ABCA13: variants seen among roughly 807,000 people sequenced by gnomAD.
ABCA13 encodes the protein ATP binding cassette subfamily A member 13.
In ABCA13, 476 loss-of-function variants were observed where a neutral mutation model predicts 478.7. The observed-to-expected ratio is 0.99, with a 90% CI of 0.92 to 1.07. The LOEUF is 1.07. ABCA13 is among the 50% of genes least tolerant of loss of function. The pLI is 0.00. For missense variants in ABCA13, 6,060 were observed against 5,910.6 expected (o/e 1.03, Z -0.83); for synonymous variants, 2,252 against 2,158.9 (o/e 1.04, Z -1.20).
intron 15 of ABCA13, among the ~76,000 whole-genome samples, chr7:48,251,542 C>T (rs1009256847): frequency 1.3e-5 from 2 of 152,092 alleles, no homozygotes; most frequent in Admixed American, 6.6e-5. Context: ...GTAAGCTTAA[C>T]CACTCTACTT....
chr7:48,404,954 C>T (rs550592884), intron 39 of ABCA13, among the ~76,000 whole-genome samples: 46 of 152,338 alleles, frequency 3.0e-4, no homozygotes, highest in African/African-American at 1.1e-3. Flanking sequence ...TGGGCTTTGG[C>T]CTGGCCTGGG....
chr7:48,372,443 C>T lies in ABCA13; in HGVS notation c.11079C>T (p.Tyr3693=), dbSNP rs1194428924. ...TGTACATGATCAGCTTTCTGCCCTACATAGTTCTATTGGTTCTACATAACC... is the reference window on the plus strand; with the variant it reads ...TGTACATGATCAGCTTTCTGCCCTATATAGTTCTATTGGTTCTACATAACC... ...SLVYMISFLP[Y]IVLLVLHNQL... The change falls in exon 33 of 62, where the codon TAC becomes TAT. Residue 3693 remains tyrosine, a synonymous_variant. Coordinates refer to ENST00000435803, the MANE Select transcript of ABCA13 (RefSeq NM_152701.5). 3 of 1,612,168 alleles carry T rather than the reference C, an allele frequency of 1.9e-6. No homozygotes were observed. Among genetic ancestry groups the T allele is most frequent in the Non-Finnish European group, 2.5e-6 (3 of 1,179,348 alleles).
intron 55 of ABCA13, among the ~76,000 whole-genome samples, chr7:48,540,882 T>G (rs1833900356): frequency 6.6e-6 from 1 of 152,120 alleles, no homozygotes; most frequent in African/African-American, 2.4e-5. Flanking sequence ...TTATTTTCTA[T>G]TCTCTGTAGC....
At chr7:48,611,990 C>A (rs949634043) in intron 58 of ABCA13, 1 of 152,114 alleles carries the variant, frequency 6.6e-6, no homozygotes, top group African/African-American at 2.4e-5. Flanking sequence ...TGCTAAGCAA[C>A]TATAACAAAG....
chr7:48,295,842 C>T lies in ABCA13; in HGVS notation c.9098C>T (p.Thr3033Met), dbSNP rs201248982. 8.8e-5 allele frequency: 142 copies of T among 1,612,858 alleles called. No homozygotes were observed. Among genetic ancestry groups the T allele is most frequent in the Admixed American group, 2.2e-4 (13 of 59,898 alleles). ...TGCACAAGCCAGCCGAGGCTGGAGA[C>T]GGTGCAGCAGCACTTGTACATGTAT... is the stretch of plus-strand genomic sequence containing the variant. ...QDCTSQPRLETVQQHLYMLAK... is the reference protein window; with the variant it reads ...QDCTSQPRLEMVQQHLYMLAK... Residue 3033 changes from threonine (T) to methionine (M), a missense_variant, in exon 21 of 62, where the codon ACG becomes ATG. Coordinates refer to ENST00000435803, the MANE Select transcript of ABCA13 (RefSeq NM_152701.5).
intron 39 of ABCA13, among the ~76,000 whole-genome samples, chr7:48,409,926 C>CAA (rs58737850): frequency 0.13 from 16,166 of 123,958 alleles, 1,210 homozygotes; most frequent in Admixed American, 0.26. Flanking sequence ...CTAAAAATAC[C>CAA]AAAAAAAAAA....
At chr7:48,551,552 T>G (rs919757473) in intron 55 of ABCA13, among the ~76,000 whole-genome samples, 2 of 151,846 alleles carry the variant, frequency 1.3e-5, no homozygotes, top group African/African-American at 2.4e-5. Flanking sequence ...GATTTTAGAT[T>G]TAGACTGCTT....
intron 19 of ABCA13, among the ~76,000 whole-genome samples, chr7:48,282,425 G>A (rs1584614458): frequency 6.6e-6 from 1 of 152,162 alleles, no homozygotes; most frequent in Non-Finnish European, 1.5e-5. Flanking sequence ...CTGGGCCTGA[G>A]TACCCTGTCT....
rs1795397621 is a variant in ABCA13, at chr7:48,645,662, C to T, written c.*150C>T. On this transcript the variant is annotated 3_prime_UTR_variant, in exon 62 of 62. Transcript: ENST00000435803. ...CTTGTTCATTTTCTATTTTGAATCT[C>T]CTTGTTAGTTAATAACCACCAAATG... The T allele has an allele frequency of 7.3e-6, 5 of 680,580 alleles. No homozygotes were observed. Among genetic ancestry groups the T allele is most frequent in the South Asian group, 3.8e-5 (2 of 53,264 alleles). The allele number at this position is 680,580 out of a possible 1,614,324, so 42.2% of individuals were successfully genotyped here.
intron 50 of ABCA13, 26 bp downstream of exon 50, chr7:48,508,075 G>C: frequency 6.2e-7 from 1 of 1,613,642 alleles, no homozygotes. Flanking sequence ...GAGATTCTGT[G>C]TGCCTCCACA....
intron 24 of ABCA13, among the ~76,000 whole-genome samples, chr7:48,310,961 C>T (rs957950947): frequency 6.6e-6 from 1 of 152,180 alleles, no homozygotes; most frequent in African/African-American, 2.4e-5. Context: ...GAAGCTTCCC[C>T]TCCTTCTGGC....
At position 48,593,396 on chromosome 7, in the gene ABCA13, C is replaced by T. The variant is rs949298161; in HGVS notation, c.14641-1314C>T. ...CTTATATCACATTAAAAAAAAACTA[C>T]ACTTTTGCTTCCAACCATCTCATTT... On this transcript the variant is annotated intron_variant, in intron 57 of 61. Coordinates refer to ENST00000435803, the MANE Select transcript of ABCA13 (RefSeq NM_152701.5). Among the ~76,000 whole-genome samples the T allele has an allele frequency of 5.3e-5, 8 of 151,486 alleles. No individual in the cohort carries two copies. The South Asian group carries it at 1.7e-3, about 31-fold the overall frequency.
intron 7 of ABCA13, 80 bp from the exon 8 acceptor site, chr7:48,233,938 G>T: frequency 6.6e-7 from 1 of 1,509,926 alleles, no homozygotes; most frequent in East Asian, 2.4e-5. Context: ...GGTGAAAAAA[G>T]GTATTTTTTT....
At position 48,508,777 on chromosome 7, in the gene ABCA13, C is replaced by T. The variant is rs1371549970; in HGVS notation, c.13524+728C>T. ...CCGGAGGTCAACCATTTACTGAGCA[C>T]CTTCCATGCACTAGGTGCTGTCTGA... On this transcript the variant is annotated intron_variant, in intron 50 of 61. Transcript: ENST00000435803. 2.0e-5 allele frequency among the ~76,000 whole-genome samples: 3 copies of T among 152,298 alleles called. 1 individual carries two copies. Among genetic ancestry groups the T allele is most frequent in the South Asian group, 4.2e-4 (2 of 4,814 alleles).
chr7:48,598,083 T>TGAATAG (rs1790487283), intron 58 of ABCA13, among the ~76,000 whole-genome samples: 1 of 152,220 alleles, frequency 6.6e-6, no homozygotes, highest in African/African-American at 2.4e-5. Flanking sequence ...AAAAATTTTC[T>TGAATAG]GTGTTCCACC....
At position 48,427,786 on chromosome 7, in the gene ABCA13, A is replaced by G; in HGVS notation, c.12480A>G (p.Gln4160=). The G allele has an allele frequency of 6.2e-7, 1 of 1,613,694 alleles. No homozygotes were observed. Among genetic ancestry groups the G allele is most frequent in the Non-Finnish European group, 8.5e-7 (1 of 1,179,722 alleles). The part of the protein sequence containing the change: ...TLEEVFLMLL[Q]DSNKKSHIAL... ...GAAAGGTGTTTTTGATGCTTTTGCA[A>G]GATTCCAACAAGAAATCTCACATTG... Residue 4160 remains glutamine (Q), a synonymous_variant, in exon 42 of 62, where the codon CAA becomes CAG. Coordinates refer to ENST00000435803, the MANE Select transcript of ABCA13 (RefSeq NM_152701.5).
At position 48,391,949 on chromosome 7, in the gene ABCA13, A is replaced by G. The variant is rs1449580203; in HGVS notation, c.11683A>G (p.Thr3895Ala). The change falls in exon 38 of 62, where the codon ACT becomes GCT. Residue 3895 changes from threonine (T) to alanine (A), a missense_variant. By Grantham distance (58) the Thr-to-Ala change is moderately conservative. This residue lies in a region of ABCA13 where 1,627 missense variants were observed against 1,571.0 expected (regional missense o/e 1.04). Transcript: ENST00000435803. ...CATGTTGACGGGGCTCCACCCTCCCACTTCTGGAACCATCATCATCAATGG... is the reference window on the plus strand; with the variant it reads ...CATGTTGACGGGGCTCCACCCTCCCGCTTCTGGAACCATCATCATCAATGG... ...ISMLTGLHPP[T>A]SGTIIINGKN... 6.2e-7 allele frequency: 1 copy of G among 1,613,806 alleles called. No individual in the cohort carries two copies. The highest frequency in any genetic ancestry group is 8.5e-7 in the Non-Finnish European group (1 of 1,179,864).
chr7:48,300,686 C>T (rs982096599), intron 23 of ABCA13, among the ~76,000 whole-genome samples: 1 of 152,208 alleles, frequency 6.6e-6, no homozygotes, highest in Non-Finnish European at 1.5e-5. Flanking sequence ...CTTTCCTGCC[C>T]TCTTCCCTGG....
At chr7:48,244,200 C>T (rs1335231231) in intron 10 of ABCA13, among the ~76,000 whole-genome samples, 1 of 152,160 alleles carries the variant, frequency 6.6e-6, no homozygotes, top group African/African-American at 2.4e-5. Context: ...CATCACACAC[C>T]ATCTCTATAT....
Sources: gnomAD v4.1 joint callset for allele counts (sites outside exome capture counted in the v4.1 genomes callset) on GRCh38, gnomAD v4.1.1 for gene constraint, gnomAD v4.1.1 regional missense constraint, MANE v1.5 for transcripts, NCBI Gene and HGNC (gene_info 2026-07-23, HGNC 2026-07-21) for gene names.